PXDNL: variants seen among roughly 807,000 people sequenced by gnomAD.
PXDNL encodes the protein probable oxidoreductase PXDNL.
A neutral mutation model predicts 150.8 loss-of-function variants in PXDNL; 145 were observed. That is an observed-to-expected ratio of 0.96 (90% CI 0.84 to 1.10). PXDNL has a LOEUF of 1.10. PXDNL is among the 50% of genes least tolerant of loss of function. The pLI, the probability that PXDNL is intolerant of heterozygous loss-of-function variation, is 0.00. For missense variants in PXDNL, 2,087 were observed against 1,873.9 expected, an observed-to-expected ratio of 1.11 and a Z score of -2.10; for synonymous variants, 757 against 725.7, an observed-to-expected ratio of 1.04 and a Z score of -0.69.
At position 51,556,919 on chromosome 8, in the gene PXDNL, A is replaced by G. The variant is rs1343041408; in HGVS notation, c.309-8T>C. On this transcript the variant is annotated splice_polypyrimidine_tract_variant and splice_region_variant and intron_variant, in intron 3 of 22. Coordinates refer to ENST00000356297, the MANE Select transcript of PXDNL (RefSeq NM_144651.5). ...TCATTCTTATACAGGTACCTGGAAA[A>G]TATATAGAATGTCATTAAATTATAA... is the stretch of plus-strand genomic sequence containing the variant. 6.9e-7 allele frequency: 1 copy of G among 1,453,588 alleles called. No individual in the cohort carries two copies. Among genetic ancestry groups the G allele is most frequent in the East Asian group, 2.3e-5 (1 of 43,936 alleles). 90.0% of individuals were successfully genotyped at this position (1,453,588 alleles called of 1,614,324 possible).
chr8:51,533,675 C>T (rs1331998312), intron 4 of PXDNL, among the ~76,000 whole-genome samples: 2 of 149,624 alleles, frequency 1.3e-5, no homozygotes, highest in East Asian at 2.0e-4. Flanking sequence ...TTGGTGGAGA[C>T]GGGGTTTTGC....
chr8:51,772,914 A>T (rs182826880), intron 1 of PXDNL, among the ~76,000 whole-genome samples: 138 of 152,344 alleles, frequency 9.1e-4, no homozygotes, highest in African/African-American at 3.0e-3. Context: ...CAACTACACA[A>T]GGCATTCACT....
intron 12 of PXDNL, among the ~76,000 whole-genome samples, chr8:51,442,954 T>A (rs74824712): frequency 6.6e-6 from 1 of 152,160 alleles, no homozygotes; most frequent in Admixed American, 6.5e-5. Flanking sequence ...AAAGGAATGA[T>A]AGTTCCTCCT....
At chr8:51,722,605 G>A (rs1010397110) in intron 1 of PXDNL, among the ~76,000 whole-genome samples, 4 of 152,180 alleles carry the variant, frequency 2.6e-5, no homozygotes, top group African/African-American at 9.7e-5. Context: ...CTGGAAAGGG[G>A]ATGGAGTGGG....
chr8:51,629,607 C>T (rs553858826), intron 2 of PXDNL, among the ~76,000 whole-genome samples: 111 of 152,070 alleles, frequency 7.3e-4, no homozygotes, highest in African/African-American at 1.6e-3. Flanking sequence ...GCAAAAGATC[C>T]GCAGAGAGAC....
chr8:51,362,344 G>A (rs1468482922), intron 19 of PXDNL, among the ~76,000 whole-genome samples: 1 of 152,130 alleles, frequency 6.6e-6, no homozygotes, highest in East Asian at 1.9e-4. Context: ...AGAAATAGTA[G>A]CTAAGTTAAA....
At chr8:51,777,411 CAAGA>C (rs2037364596) in intron 1 of PXDNL, among the ~76,000 whole-genome samples, 2 of 152,164 alleles carry the variant, frequency 1.3e-5, no homozygotes, top group African/African-American at 4.8e-5. Context: ...TAAATCAGAA[CAAGA>C]AAGTGAAACC....
chr8:51,368,315 G>A (rs1056342302), intron 19 of PXDNL, among the ~76,000 whole-genome samples: 6 of 152,114 alleles, frequency 3.9e-5, no homozygotes, highest in African/African-American at 1.4e-4. Flanking sequence ...TAGATCTCAT[G>A]CCTTCTACCT....
intron 3 of PXDNL, among the ~76,000 whole-genome samples, chr8:51,567,865 T>C (rs1453521012): frequency 6.6e-6 from 1 of 151,820 alleles, no homozygotes; most frequent in Non-Finnish European, 1.5e-5. Context: ...TGATAATACC[T>C]AATACAATAT....
intron 1 of PXDNL, among the ~76,000 whole-genome samples, chr8:51,737,753 C>T (rs1364751359): frequency 9.4e-5 from 1 of 10,634 alleles, no homozygotes; most frequent in African/African-American, 1.0e-4. Flanking sequence ...AGTTCACTGT[C>T]AGACCCCCCC....
At position 51,689,321 on chromosome 8, in the gene PXDNL, A is replaced by AT. The variant is rs10719215; in HGVS notation, c.165-34562dup. ...CTTATGGGCCATCTCAGACATCCAG[A>AT]TTTTTTTTTTTTTTTGCTTCATTTT... On this transcript the variant is annotated intron_variant, in intron 1 of 22. Coordinates refer to ENST00000356297, the MANE Select transcript of PXDNL (RefSeq NM_144651.5). Among the ~76,000 whole-genome samples the AT allele has an allele frequency of 1.0e-3, 146 of 146,704 alleles. 2 individuals are homozygous for AT. Among genetic ancestry groups the AT allele is most frequent in the East Asian group, 2.4e-3 (12 of 5,020 alleles).
At chr8:51,692,500 T>A (rs1484620653) in intron 1 of PXDNL, among the ~76,000 whole-genome samples, 1 of 152,212 alleles carries the variant, frequency 6.6e-6, no homozygotes, top group South Asian at 2.1e-4. Flanking sequence ...TTGCCTTTTT[T>A]ACAAAAACCC....
intron 3 of PXDNL, among the ~76,000 whole-genome samples, chr8:51,589,363 G>A (rs147360862): frequency 6.6e-6 from 1 of 152,264 alleles, no homozygotes; most frequent in African/African-American, 2.4e-5. Flanking sequence ...AGAAGAGTCT[G>A]GAGGAGTAGG....
At chr8:51,720,191 T>TAA (rs74313593) in intron 1 of PXDNL, among the ~76,000 whole-genome samples, 84 of 144,074 alleles carry the variant, frequency 5.8e-4, no homozygotes, top group African/African-American at 1.7e-3. Context: ...TATTCCCTCC[T>TAA]AAAAAAAAAA....
At chr8:51,640,108 G>C (rs142680891) in intron 2 of PXDNL, among the ~76,000 whole-genome samples, 1 of 152,146 alleles carries the variant, frequency 6.6e-6, no homozygotes, top group East Asian at 1.9e-4. Flanking sequence ...AAAACCACAT[G>C]ATTATCTCAA....
chr8:51,523,203 A>C (rs1811698114), intron 4 of PXDNL, among the ~76,000 whole-genome samples: 1 of 152,238 alleles, frequency 6.6e-6, no homozygotes, highest in Non-Finnish European at 1.5e-5. Context: ...AAGTCGATTA[A>C]GATAGTAGGA....
At chr8:51,790,609 GGC>G (rs1184847640) in intron 1 of PXDNL, among the ~76,000 whole-genome samples, 10 of 151,970 alleles carry the variant, frequency 6.6e-5, no homozygotes, top group African/African-American at 2.2e-4. Flanking sequence ...TTCTTCCCTA[GGC>G]TACACGTGGG....
intron 1 of PXDNL, among the ~76,000 whole-genome samples, chr8:51,707,911 A>C (rs1369510106): frequency 6.6e-6 from 1 of 152,280 alleles, no homozygotes; most frequent in East Asian, 1.9e-4. Flanking sequence ...GCATACATAT[A>C]TATACATGCA....
intron 19 of PXDNL, among the ~76,000 whole-genome samples, chr8:51,360,986 A>C (rs1334782788): frequency 6.6e-6 from 1 of 152,176 alleles, no homozygotes; most frequent in East Asian, 1.9e-4. Context: ...CTTTTAACAG[A>C]TGGTGTCAGA....
Sources: gnomAD v4.1 joint callset for allele counts (sites outside exome capture counted in the v4.1 genomes callset) on GRCh38, gnomAD v4.1.1 for gene constraint, MANE v1.5 for transcripts, NCBI Gene and HGNC (gene_info 2026-07-23, HGNC 2026-07-21) for gene names.